TMEM204: variants seen among roughly 807,000 people sequenced by gnomAD.
The protein encoded by TMEM204 is transmembrane protein 204.
In TMEM204, 15 loss-of-function variants were observed where a neutral mutation model predicts 19.4. That is an observed-to-expected ratio of 0.77 (90% CI 0.52 to 1.19). TMEM204 has a LOEUF of 1.19. TMEM204 is among the 50% of genes most tolerant of loss of function. The probability of loss-of-function intolerance (pLI) is 0.00; values close to 1 mark genes in which losing one functional copy is unlikely to be tolerated. For missense variants in TMEM204, 287 were observed against 321.2 expected, an observed-to-expected ratio of 0.89 and a Z score of 0.81; for synonymous variants, 161 against 146.0, an observed-to-expected ratio of 1.10 and a Z score of -0.74.
chr16:1,536,264 C>T (rs1181154618), intron 1 of TMEM204, among the ~76,000 whole-genome samples: 3 of 152,210 alleles, frequency 2.0e-5, no homozygotes, highest in African/African-American at 4.8e-5. Flanking sequence ...GTCACAGGGC[C>T]GCGTGTAGCC....
intron 2 of TMEM204, among the ~76,000 whole-genome samples, chr16:1,546,321 C>T (rs1343240080): frequency 3.3e-5 from 5 of 152,188 alleles, no homozygotes; most frequent in Non-Finnish European, 7.3e-5. Flanking sequence ...GAGGATGCTC[C>T]GAGCCCTCAG....
Position 1,555,066 on chromosome 16 carries a change from C to A in TMEM204, c.*40C>A. ...CGCTCCATCAACGCACACCTGCTATCGTGGAACAGCCTAGAAACCAAGGGA... is the reference window on the plus strand; with the variant it reads ...CGCTCCATCAACGCACACCTGCTATAGTGGAACAGCCTAGAAACCAAGGGA... On this transcript the variant is annotated 3_prime_UTR_variant, in exon 3 of 3. Coordinates refer to ENST00000566264, the MANE Select transcript of TMEM204 (RefSeq NM_024600.6). 6.4e-7 allele frequency: 1 copy of A among 1,573,750 alleles called. No individual in the cohort carries two copies.
chr16:1,541,189 C>T (rs1475598332), intron 1 of TMEM204: 1 of 985,422 alleles, frequency 1.0e-6, no homozygotes, highest in Non-Finnish European at 1.2e-6. Flanking sequence ...GAAGGCTGGG[C>T]ACAGGCCTGC....
chr16:1,540,289 T>C (rs2031507374), intron 1 of TMEM204, among the ~76,000 whole-genome samples: 1 of 152,270 alleles, frequency 6.6e-6, no homozygotes, highest in South Asian at 2.1e-4. Context: ...ATGTTGAGGT[T>C]GAACCGTGTG....
chr16:1,544,578 C>G (rs1051571925), intron 2 of TMEM204, among the ~76,000 whole-genome samples: 1 of 151,992 alleles, frequency 6.6e-6, no homozygotes, highest in Admixed American at 6.5e-5. Context: ...GATCCACCCA[C>G]CTCAGCCTCC....
upstream of TMEM204, chr16:1,532,323 G>C (rs180676419): frequency 6.6e-6 from 1 of 152,352 alleles, no homozygotes; most frequent in South Asian, 2.1e-4. Context: ...AATCCCCGGG[G>C]AAAATCCCCC....
intron 2 of TMEM204, among the ~76,000 whole-genome samples, chr16:1,544,864 G>A (rs895373345): frequency 3.4e-4 from 51 of 151,886 alleles, no homozygotes; most frequent in Admixed American, 3.2e-3. Flanking sequence ...TAGCCAGGAT[G>A]GTCTCGATCT....
chr16:1,553,782 C>T lies in TMEM204; in HGVS notation c.437-1000C>T. 8.4e-7 allele frequency: 1 copy of T among 1,185,164 alleles called. No homozygotes were observed. The highest frequency in any genetic ancestry group is 1.1e-6 in the Non-Finnish European group (1 of 940,218). 73.4% of individuals were successfully genotyped at this position (1,185,164 alleles called of 1,614,324 possible). On this transcript the variant is annotated intron_variant, in intron 2 of 2. Transcript: ENST00000566264. The surrounding 1 kb of genome is among the most constrained non-coding windows in gnomAD (Gnocchi z 4.4). ...GGCAGGGCCATGTGGACAGCCTCTC[C>T]TCCATCCTAGAGCCTATGTTTCCAG...
intron 1 of TMEM204, chr16:1,541,285 G>T: frequency 1.0e-6 from 1 of 985,348 alleles, no homozygotes; most frequent in Non-Finnish European, 1.2e-6. Flanking sequence ...GAGGTGAGGG[G>T]GGCAGGTGGG....
chr16:1,538,608 G>A (rs569333071), intron 1 of TMEM204, among the ~76,000 whole-genome samples: 2 of 152,340 alleles, frequency 1.3e-5, no homozygotes, highest in South Asian at 4.1e-4. Flanking sequence ...CCTTCTGCGT[G>A]ATGTTTTAAT....
rs1000355970 is a variant in TMEM204, at chr16:1,551,768, C to T, written c.437-3014C>T. Among the ~76,000 whole-genome samples, 10 of 152,178 alleles carry T rather than the reference C, an allele frequency of 6.6e-5. No homozygotes were observed. Among genetic ancestry groups the T allele is most frequent in the African/African-American group, 1.9e-4 (8 of 41,430 alleles). On this transcript the variant is annotated intron_variant, in intron 2 of 2. Transcript: ENST00000566264. This position sits in a 1 kb window ranked among gnomAD's most constrained non-coding sequence, Gnocchi z 4.0. ...TACAAAGGAGGCCACACCACACGTG[C>T]GTGGTCCGGCAGATCCGGCAAGATC... is the stretch of plus-strand genomic sequence containing the variant.
chr16:1,553,832 C>T lies in TMEM204; in HGVS notation c.437-950C>T, dbSNP rs548674373. 26 of 1,209,338 alleles carry T rather than the reference C, an allele frequency of 2.1e-5. No individual in the cohort carries two copies. The highest frequency in any genetic ancestry group is 3.7e-4 in the Middle Eastern group (1 of 2,686). 74.9% of individuals were successfully genotyped at this position (1,209,338 alleles called of 1,614,324 possible). A position where few individuals can be genotyped will look rare whatever the true frequency, so the allele number is the denominator to read the frequency against. ...GCTGGATTAGGACGCCCGGCTCCATCGCTGCGGCCACAGTGTCCTGTTATC... is the reference window on the plus strand; with the variant it reads ...GCTGGATTAGGACGCCCGGCTCCATTGCTGCGGCCACAGTGTCCTGTTATC... On this transcript the variant is annotated intron_variant, in intron 2 of 2. Transcript: ENST00000566264. The surrounding 1 kb of genome is among the most constrained non-coding windows in gnomAD (Gnocchi z 4.4).
chr16:1,537,191 G>A (rs2031159660), intron 1 of TMEM204, among the ~76,000 whole-genome samples: 1 of 151,514 alleles, frequency 6.6e-6, no homozygotes, highest in Non-Finnish European at 1.5e-5. Context: ...GCAAGCCAGG[G>A]AAGACAACGT....
intron 2 of TMEM204, among the ~76,000 whole-genome samples, chr16:1,554,346 A>C (rs561489666): frequency 2.0e-5 from 3 of 152,260 alleles, no homozygotes; most frequent in Admixed American, 1.3e-4. Flanking sequence ...GCATTTACAA[A>C]AGTCAGAGAT....
At position 1,551,156 on chromosome 16, in the gene TMEM204, T is replaced by C. The variant is rs568596297; in HGVS notation, c.437-3626T>C. 7.5e-4 allele frequency among the ~76,000 whole-genome samples: 114 copies of C among 152,312 alleles called. 1 individual carries two copies. Among genetic ancestry groups the C allele is most frequent in the African/African-American group, 2.6e-3 (108 of 41,578 alleles). ...CTCCTCAAACGATTAACTCAAAAAG[T>C]AATTGCGGAGAGACTTCTGGGAAGC... On this transcript the variant is annotated intron_variant, in intron 2 of 2. Transcript: ENST00000566264. This position sits in a 1 kb window ranked among gnomAD's most constrained non-coding sequence, Gnocchi z 4.0.
rs1596357038 is a variant in TMEM204 at position 1,555,187 on chromosome 16, G to C, written c.*161G>C. Reference sequence around the variant, plus strand: ...CGTGCGAGACACGTGTGCGTTTACTGTTATGTCGGTCATATGTCTGTACGT... The same window carrying C: ...CGTGCGAGACACGTGTGCGTTTACTCTTATGTCGGTCATATGTCTGTACGT... On this transcript the variant is annotated 3_prime_UTR_variant, in exon 3 of 3. Transcript: ENST00000566264. The C allele has an allele frequency of 1.1e-6, 1 of 883,748 alleles. No homozygotes were observed. Among genetic ancestry groups the C allele is most frequent in the Non-Finnish European group, 1.7e-6 (1 of 596,988 alleles). The allele number at this position is 883,748 out of a possible 1,614,324, so 54.7% of individuals were successfully genotyped here. A position where few individuals can be genotyped will look rare whatever the true frequency, so the allele number is the denominator to read the frequency against.
At position 1,553,934 on chromosome 16, in the gene TMEM204, G is replaced by A. The variant is rs1261303589; in HGVS notation, c.437-848G>A. On this transcript the variant is annotated intron_variant, in intron 2 of 2. Transcript: ENST00000566264. This position sits in a 1 kb window ranked among gnomAD's most constrained non-coding sequence, Gnocchi z 4.4. ...AAAAAGGTCTTTGGAGCTCCTCAAA[G>A]ATAAAACTGTAAGTGAAACTGTAGC... 2 of 1,285,944 alleles carry A rather than the reference G, an allele frequency of 1.6e-6. No homozygotes were observed. Among genetic ancestry groups the A allele is most frequent in the Admixed American group, 4.6e-5 (2 of 43,486 alleles). 79.7% of individuals were successfully genotyped at this position (1,285,944 alleles called of 1,614,324 possible).
chr16:1,555,344 G>A lies in TMEM204; in HGVS notation c.*318G>A, dbSNP rs2033007561. On this transcript the variant is annotated 3_prime_UTR_variant, in exon 3 of 3. Coordinates refer to ENST00000566264, the MANE Select transcript of TMEM204 (RefSeq NM_024600.6). ...GTGGCGCGAGGCTGCCCTGCGCTCCGCTTTGCTTTGGGATTAATTTATTCT... is the reference window on the plus strand; with the variant it reads ...GTGGCGCGAGGCTGCCCTGCGCTCCACTTTGCTTTGGGATTAATTTATTCT... 2 of 319,748 alleles carry A rather than the reference G, an allele frequency of 6.3e-6. No individual in the cohort carries two copies. Among genetic ancestry groups the A allele is most frequent in the Non-Finnish European group, 5.8e-6 (1 of 171,600 alleles). 19.8% of individuals were successfully genotyped at this position (319,748 alleles called of 1,614,324 possible).
Position 1,534,187 on chromosome 16 carries a change from C to T in TMEM204, c.-89C>T, listed in dbSNP as rs2030809134. ...AGGATGAGTGGTGATGTCCTCTAGC[C>T]ACCCCTAGCAGCGTCGGCTCTCCCT... On this transcript the variant is annotated 5_prime_UTR_variant, in exon 1 of 3. Coordinates refer to ENST00000566264, the MANE Select transcript of TMEM204 (RefSeq NM_024600.6). 6 of 1,541,166 alleles carry T rather than the reference C, an allele frequency of 3.9e-6. No homozygotes were observed. In the Admixed American group the frequency reaches 1.2e-4, roughly 31 times the overall value.
Sources: allele counts gnomAD v4.1 joint callset (sites outside exome capture counted in the v4.1 genomes callset), GRCh38; gene constraint gnomAD v4.1.1; non-coding constraint Gnocchi (gnomAD v3.1); transcripts MANE v1.5; gene names NCBI Gene and HGNC (gene_info 2026-07-23, HGNC 2026-07-21).